FBXL17: variants seen among roughly 807,000 people sequenced by gnomAD.
FBXL17 encodes F-box/LRR-repeat protein 17.
A neutral mutation model predicts 66.2 loss-of-function variants in FBXL17; 22 were observed. The ratio of observed to expected loss-of-function variants is 0.33; its 90% CI spans 0.24 to 0.47. The LOEUF (loss-of-function observed/expected upper bound fraction) is 0.47, where lower values mean the gene tolerates loss of function less well. Ranked by LOEUF, FBXL17 falls within the 20% of genes least tolerant of loss-of-function variation. The pLI is 1.00. For missense variants in FBXL17, 878 were observed against 948.2 expected (o/e 0.93, Z 0.97); for synonymous variants, 474 against 400.5 (o/e 1.18, Z -2.19).
intron 7 of FBXL17, among the ~76,000 whole-genome samples, chr5:107,953,939 A>G (rs1751581026): frequency 6.6e-6 from 1 of 152,224 alleles, no homozygotes; most frequent in Admixed American, 6.5e-5. Flanking sequence ...ACTTAATCAT[A>G]TATCTTACTG....
At chr5:108,377,708 A>G (rs1338134034) in intron 1 of FBXL17, among the ~76,000 whole-genome samples, 1 of 152,256 alleles carries the variant, frequency 6.6e-6, no homozygotes, top group African/African-American at 2.4e-5. Flanking sequence ...AGGATTCACC[A>G]AACTCTTCAT....
chr5:108,244,552 T>G (rs1378346080), intron 4 of FBXL17, among the ~76,000 whole-genome samples: 1 of 152,208 alleles, frequency 6.6e-6, no homozygotes, highest in Non-Finnish European at 1.5e-5. Flanking sequence ...CTATTCAATG[T>G]ACAAACACTT....
chr5:108,312,261 T>A (rs544802710), intron 4 of FBXL17, among the ~76,000 whole-genome samples: 3 of 152,216 alleles, frequency 2.0e-5, no homozygotes, highest in African/African-American at 7.2e-5. Context: ...ACACAATTTT[T>A]AAAAAATTAA....
In FBXL17 at chr5:108,254,969, C is replaced by T. The variant is rs114544891; in HGVS notation, c.1507-30741G>A. On this transcript the variant is annotated intron_variant, in intron 4 of 8. Transcript: ENST00000542267. ...AGTTATTGCTTTACATACGTATCTACGATGCTGGAAATAATTTAGTATGGC... is the reference window on the plus strand; with the variant it reads ...AGTTATTGCTTTACATACGTATCTATGATGCTGGAAATAATTTAGTATGGC... Among the ~76,000 whole-genome samples the T allele has an allele frequency of 5.6e-3, 847 of 152,180 alleles. 6 individuals carry two copies. Among genetic ancestry groups the T allele is most frequent in the Middle Eastern group, 0.01 (3 of 294 alleles).
rs575376007 is a variant in FBXL17, at chr5:108,095,581, A to G, written c.1746-74580T>C. Among the ~76,000 whole-genome samples, 35 of 152,264 alleles carry G rather than the reference A, an allele frequency of 2.3e-4. No homozygotes were observed. In the East Asian group the frequency reaches 6.6e-3, roughly 29 times the overall value. On this transcript the variant is annotated intron_variant, in intron 6 of 8. Transcript: ENST00000542267. Reference sequence around the variant, plus strand: ...GAGCATCTGTTTTGATAATTTATTGACAATTTAGATAATTTTTGATTCTTC... The same window carrying G: ...GAGCATCTGTTTTGATAATTTATTGGCAATTTAGATAATTTTTGATTCTTC...
chr5:108,316,179 G>T (rs768217689), intron 4 of FBXL17, among the ~76,000 whole-genome samples: 2 of 151,132 alleles, frequency 1.3e-5, no homozygotes, highest in Non-Finnish European at 3.0e-5. Flanking sequence ...ACTTTTAGTA[G>T]AATCCATGCT....
chr5:107,949,424 T>C (rs1025319638), intron 7 of FBXL17, among the ~76,000 whole-genome samples: 1 of 151,716 alleles, frequency 6.6e-6, no homozygotes, highest in African/African-American at 2.4e-5. Flanking sequence ...TCTGGAAGAG[T>C]AGATAGACAA....
chr5:108,342,387 A>C (rs1007709994), intron 4 of FBXL17, among the ~76,000 whole-genome samples: 21 of 152,166 alleles, frequency 1.4e-4, no homozygotes, highest in African/African-American at 4.6e-4. Context: ...ATTTTCCTAG[A>C]AAAATTTTTA....
chr5:108,191,201 C>T (rs964286157), intron 5 of FBXL17, among the ~76,000 whole-genome samples: 6 of 152,100 alleles, frequency 3.9e-5, no homozygotes, highest in Non-Finnish European at 5.9e-5. Flanking sequence ...TAGGAAGATT[C>T]GAAGTCACAA....
chr5:108,072,732 A>G (rs918966576), intron 6 of FBXL17, among the ~76,000 whole-genome samples: 13 of 152,090 alleles, frequency 8.5e-5, no homozygotes, highest in African/African-American at 3.1e-4. Flanking sequence ...CAGAAAGAAA[A>G]TCCTCAACCA....
intron 7 of FBXL17, among the ~76,000 whole-genome samples, chr5:107,932,334 T>G (rs537052296): frequency 6.6e-6 from 1 of 152,310 alleles, no homozygotes; most frequent in Admixed American, 6.5e-5. Flanking sequence ...ATACTAGATT[T>G]TTAGGAAAAG....
At chr5:108,210,730 A>G (rs540695205) in intron 5 of FBXL17, among the ~76,000 whole-genome samples, 2 of 152,304 alleles carry the variant, frequency 1.3e-5, no homozygotes, top group South Asian at 2.1e-4. Flanking sequence ...TTTACTTCCA[A>G]TTACGTGGTC....
At chr5:108,251,082 A>G (rs7706429) in intron 4 of FBXL17, among the ~76,000 whole-genome samples, 114,436 of 151,870 alleles carry the variant, frequency 0.75, 43,479 homozygotes, top group East Asian at 0.93. Flanking sequence ...AAAAACTAGC[A>G]CCAATTATCT....
intron 6 of FBXL17, among the ~76,000 whole-genome samples, chr5:108,078,690 A>G (rs1278572012): frequency 6.6e-6 from 1 of 152,142 alleles, no homozygotes; most frequent in Non-Finnish European, 1.5e-5. Context: ...TTTGCTAGCT[A>G]AGGCTTCCTC....
intron 6 of FBXL17, among the ~76,000 whole-genome samples, chr5:108,086,579 G>C (rs139598010): frequency 5.9e-5 from 9 of 152,144 alleles, no homozygotes; most frequent in Admixed American, 2.6e-4. Context: ...TGTTTTTTGA[G>C]ATAGAGTTTC....
chr5:107,906,467 A>G (rs1561525291), intron 7 of FBXL17, among the ~76,000 whole-genome samples: 1 of 152,194 alleles, frequency 6.6e-6, no homozygotes, highest in Non-Finnish European at 1.5e-5. Flanking sequence ...GCTTTCATGT[A>G]TATTTACCAA....
intron 6 of FBXL17, among the ~76,000 whole-genome samples, chr5:108,131,380 A>G (rs1750924697): frequency 6.6e-6 from 1 of 152,180 alleles, no homozygotes; most frequent in Admixed American, 6.5e-5. Flanking sequence ...TCACAAATGA[A>G]GAGACCTCCA....
In FBXL17 at chr5:108,359,503, C is replaced by T. The variant is rs148878051; in HGVS notation, c.1374+5235G>A. ...TTTTGGAACGCTGTGTTTTCATTCTCACTCATCTCAAGATATTTTCTAATT... is the reference window on the plus strand; with the variant it reads ...TTTTGGAACGCTGTGTTTTCATTCTTACTCATCTCAAGATATTTTCTAATT... On this transcript the variant is annotated intron_variant, in intron 3 of 8. Transcript: ENST00000542267. 2.8e-3 allele frequency among the ~76,000 whole-genome samples: 419 copies of T among 152,244 alleles called. 4 individuals carry two copies. Among genetic ancestry groups the T allele is most frequent in the African/African-American group, 9.5e-3 (396 of 41,562 alleles).
rs1246419451 is a variant in FBXL17, at chr5:108,381,265, C to G, written c.427G>C (p.Glu143Gln). 7.0e-7 allele frequency: 1 copy of G among 1,430,532 alleles called. No individual in the cohort carries two copies. Among genetic ancestry groups the G allele is most frequent in the Non-Finnish European group, 9.1e-7 (1 of 1,094,910 alleles). The allele number at this position is 1,430,532 out of a possible 1,614,324, so 88.6% of individuals were successfully genotyped here. Residue 143 changes from glutamate to glutamine, a missense_variant, in exon 1 of 9, where the codon GAG becomes CAG. This residue lies in a region of FBXL17 where 605 missense variants were observed against 509.5 expected (regional missense o/e 1.19). Coordinates refer to ENST00000542267, the MANE Select transcript of FBXL17 (RefSeq NM_001163315.3). Reference protein sequence around the residue: ...SASSPASCCKELGLAAAAAWE... With the variant: ...SASSPASCCKQLGLAAAAAWE... ...GCGGCGGCCGCAGCCAGCCCCAACT[C>G]TTTGCAGCAGGAGGCGGGCGACGAA...
Sources: allele counts gnomAD v4.1 joint callset (sites outside exome capture counted in the v4.1 genomes callset), GRCh38; gene constraint gnomAD v4.1.1; regional missense constraint gnomAD v4.1.1; transcripts MANE v1.5; gene names NCBI Gene and HGNC (gene_info 2026-07-23, HGNC 2026-07-21).